The following AKAP13 variants were observed in gnomAD, a reference collection of about 807,000 sequenced individuals.
The protein encoded by AKAP13 is A-kinase anchoring protein 13, also known as A-kinase anchor protein 13.
Under a neutral mutation model 264.5 loss-of-function variants are expected in AKAP13, and 80 were observed. That is an observed-to-expected ratio of 0.30 (90% CI 0.25 to 0.36). AKAP13 has a LOEUF of 0.36. AKAP13 is among the 10% of genes least tolerant of loss of function. The pLI, the probability that AKAP13 is intolerant of heterozygous loss-of-function variation, is 1.00. For missense variants in AKAP13, 3,712 were observed against 3,435.2 expected (o/e 1.08, Z -2.01); for synonymous variants, 1,380 against 1,250.2 (o/e 1.10, Z -2.19).
In AKAP13 at chr15:85,629,764, C is replaced by CTTTTTTTTTT. The variant is rs773396099; in HGVS notation, c.4162-9586_4162-9577dup. Among the ~76,000 whole-genome samples, 74 of 50,526 alleles carry CTTTTTTTTTT rather than the reference C, an allele frequency of 1.5e-3. 16 individuals carry two copies. Among genetic ancestry groups the CTTTTTTTTTT allele is most frequent in the Non-Finnish European group, 2.1e-3 (56 of 26,950 alleles). The allele number at this position is 50,526 out of a possible 152,430, so 33.1% of individuals were successfully genotyped here. A position where few individuals can be genotyped will look rare whatever the true frequency, so the allele number is the denominator to read the frequency against. ...GAAATATAATGAGTTCCTTTACAGC[C>CTTTTTTTTTT]TTTTTTTTTTTTTTTTTTTTTTTTT... On this transcript the variant is annotated intron_variant, in intron 8 of 36. Coordinates refer to ENST00000394518, the MANE Select transcript of AKAP13 (RefSeq NM_007200.5).
At chr15:85,583,002 A>AAGG (rs2079186716) in intron 7 of AKAP13, 5 of 985,430 alleles carry the variant, frequency 5.1e-6, no homozygotes, top group Non-Finnish European at 6.0e-6. Flanking sequence ...TATCTGAATA[A>AAGG]AACTTCTTAA....
At chr15:85,607,578 A>T (rs2080409431) in intron 8 of AKAP13, among the ~76,000 whole-genome samples, 1 of 152,160 alleles carries the variant, frequency 6.6e-6, no homozygotes, top group Admixed American at 6.5e-5. Flanking sequence ...CATGCTTTTA[A>T]CCACGATGCT....
intron 5 of AKAP13, among the ~76,000 whole-genome samples, chr15:85,568,124 A>C: frequency 6.6e-6 from 1 of 151,994 alleles, no homozygotes; most frequent in South Asian, 2.1e-4. Context: ...AACATGACAA[A>C]ACCGTGTCTC....
intron 5 of AKAP13, among the ~76,000 whole-genome samples, chr15:85,568,761 C>T (rs1307265804): frequency 1.3e-5 from 2 of 152,152 alleles, no homozygotes; most frequent in Admixed American, 6.5e-5. Flanking sequence ...GATACAGGCA[C>T]ACATGTATTT....
At chr15:85,448,441 G>T (rs769718545) in intron 1 of AKAP13, among the ~76,000 whole-genome samples, 1 of 151,840 alleles carries the variant, frequency 6.6e-6, no homozygotes. Flanking sequence ...ATCTTTGCCC[G>T]TTCCTAAGTC....
intron 1 of AKAP13, among the ~76,000 whole-genome samples, chr15:85,449,060 G>T (rs1357103208): frequency 3.3e-5 from 5 of 151,974 alleles, no homozygotes; most frequent in Admixed American, 3.3e-4. Flanking sequence ...ATTTGTTTGT[G>T]TCTTGTCTGA....
intron 8 of AKAP13, among the ~76,000 whole-genome samples, chr15:85,600,081 G>T (rs374787417): frequency 6.6e-6 from 1 of 151,988 alleles, no homozygotes; most frequent in African/African-American, 2.4e-5. Flanking sequence ...GAAGAAGGGA[G>T]GTAGCAAAAA....
intron 1 of AKAP13, among the ~76,000 whole-genome samples, chr15:85,385,587 T>C (rs2070517855): frequency 6.6e-6 from 1 of 152,210 alleles, no homozygotes; most frequent in African/African-American, 2.4e-5. Context: ...TCTGTCTCCA[T>C]GGTTTTTTGC....
At chr15:85,630,838 A>G (rs1326161051) in intron 8 of AKAP13, among the ~76,000 whole-genome samples, 3 of 152,254 alleles carry the variant, frequency 2.0e-5, no homozygotes, top group Non-Finnish European at 4.4e-5. Context: ...TGGTACAGCC[A>G]CTTTGGAAAA....
chr15:85,612,096 C>G (rs1382148128), intron 8 of AKAP13, among the ~76,000 whole-genome samples: 7 of 152,174 alleles, frequency 4.6e-5, no homozygotes, highest in African/African-American at 1.7e-4. Context: ...AGATTTAGGG[C>G]AGTGACATGG....
At chr15:85,744,507 T>A (rs2089305765) in intron 36 of AKAP13, 121 bp from the exon 37 acceptor site, 4 of 1,042,292 alleles carry the variant, frequency 3.8e-6, no homozygotes, top group Non-Finnish European at 6.0e-6. Context: ...CGCAGAAGAG[T>A]TAATTGCCCA....
chr15:85,672,091 G>A (rs1168934514), intron 14 of AKAP13, among the ~76,000 whole-genome samples: 1 of 152,194 alleles, frequency 6.6e-6, no homozygotes. Context: ...CCGTTGCTGA[G>A]AATTTTTCTG....
rs542115281 is a variant in AKAP13 at position 85,594,860 on chromosome 15, C to T, written c.4161+9037C>T. On this transcript the variant is annotated intron_variant, in intron 8 of 36. Transcript: ENST00000394518. ...AGTCTAGTGATATGTCGCTAGTTGA[C>T]CACCAGAAGAGTAAATGTGTACACT... Among the ~76,000 whole-genome samples, 20 of 152,248 alleles carry T rather than the reference C, an allele frequency of 1.3e-4. No individual in the cohort carries two copies. The South Asian group carries it at 1.7e-3, about 13-fold the overall frequency.
At chr15:85,571,369 A>G (rs1275910884) in intron 5 of AKAP13, among the ~76,000 whole-genome samples, 2 of 152,108 alleles carry the variant, frequency 1.3e-5, no homozygotes, top group Non-Finnish European at 2.9e-5. Context: ...ATAATAGTCT[A>G]TAGATCTGTT....
chr15:85,614,152 A>C (rs374364926), intron 8 of AKAP13, among the ~76,000 whole-genome samples: 5 of 152,334 alleles, frequency 3.3e-5, no homozygotes, highest in African/African-American at 1.2e-4. Context: ...GGGCATCCAC[A>C]TCACAAGAAG....
intron 12 of AKAP13, among the ~76,000 whole-genome samples, chr15:85,661,783 A>C (rs2083359031): frequency 6.6e-6 from 1 of 152,042 alleles, no homozygotes; most frequent in African/African-American, 2.4e-5. Flanking sequence ...TATATGCTTT[A>C]TCTTTAACGT....
At chr15:85,425,616 T>G (rs569610358) in intron 1 of AKAP13, among the ~76,000 whole-genome samples, 1 of 150,894 alleles carries the variant, frequency 6.6e-6, no homozygotes, top group Non-Finnish European at 1.5e-5. Context: ...CTCGGGAGGC[T>G]GAGGCAGGAG....
At chr15:85,570,863 G>A (rs2078793772) in intron 5 of AKAP13, among the ~76,000 whole-genome samples, 2 of 152,174 alleles carry the variant, frequency 1.3e-5, no homozygotes, top group Non-Finnish European at 1.5e-5. Context: ...TACTGAAGCA[G>A]GGACCCAAGG....
chr15:85,606,345 G>T (rs369923758), intron 8 of AKAP13, among the ~76,000 whole-genome samples: 1 of 151,960 alleles, frequency 6.6e-6, no homozygotes, highest in South Asian at 2.1e-4. Flanking sequence ...CAGGTGGTCC[G>T]CCCACCTCAG....
Sources: gnomAD v4.1 joint callset for allele counts (sites outside exome capture counted in the v4.1 genomes callset) on GRCh38, gnomAD v4.1.1 for gene constraint, MANE v1.5 for transcripts, NCBI Gene and HGNC (gene_info 2026-07-23, HGNC 2026-07-21) for gene names.